The following PHF20 variants were observed in gnomAD, a reference collection of about 807,000 sequenced individuals.
PHF20 encodes glioma-expressed antigen 2.
In PHF20, 23 loss-of-function variants were observed where a neutral mutation model predicts 113.5. The observed-to-expected ratio is 0.20, with a 90% CI of 0.15 to 0.29. The LOEUF (loss-of-function observed/expected upper bound fraction) is 0.29, where lower values mean the gene tolerates loss of function less well. PHF20 is among the 10% of genes least tolerant of loss of function. The pLI is 1.00. For synonymous variants in PHF20, 434 were observed against 457.3 expected, an observed-to-expected ratio of 0.95 and a Z score of 0.65; for missense variants, 943 against 1,219.6, an observed-to-expected ratio of 0.77 and a Z score of 3.38.
intron 9 of PHF20, among the ~76,000 whole-genome samples, chr20:35,883,614 G>A (rs1485906229): frequency 1.3e-5 from 2 of 152,104 alleles, no homozygotes; most frequent in African/African-American, 4.8e-5. Context: ...GCTAATTTTT[G>A]TATTTTTTGT....
intron 9 of PHF20, among the ~76,000 whole-genome samples, chr20:35,874,302 A>G (rs2054478874): frequency 6.6e-6 from 1 of 152,194 alleles, no homozygotes; most frequent in African/African-American, 2.4e-5. Flanking sequence ...ATGTAGTATT[A>G]TAAGTTTTGC....
At chr20:35,916,005 C>T (rs2055397228) in intron 12 of PHF20, among the ~76,000 whole-genome samples, 1 of 152,040 alleles carries the variant, frequency 6.6e-6, no homozygotes, top group Non-Finnish European at 1.5e-5. Flanking sequence ...GTTGTTGTGG[C>T]ATGCACCTGT....
intron 4 of PHF20, among the ~76,000 whole-genome samples, 200 bp from the exon 5 acceptor site, chr20:35,858,102 T>A (rs1464760240): frequency 6.6e-6 from 1 of 152,208 alleles, no homozygotes; most frequent in African/African-American, 2.4e-5. Flanking sequence ...TTTACGTAGG[T>A]AGAAAACTAA....
At chr20:35,870,303 CAAAAAAAAAAAA>C (rs1174014648) in intron 7 of PHF20, among the ~76,000 whole-genome samples, 12,249 of 53,012 alleles carry the variant, frequency 0.23, 677 homozygotes, top group Middle Eastern at 0.39. Context: ...GACTCCGTCT[CAAAAAAAAAAAA>C]AAAAAAAAAA....
chr20:35,865,489 T>C (rs1179784420), intron 6 of PHF20, among the ~76,000 whole-genome samples: 1 of 149,828 alleles, frequency 6.7e-6, no homozygotes, highest in Non-Finnish European at 1.5e-5. Context: ...ATTAACTTTT[T>C]AAGTTGTGTT....
chr20:35,793,660 A>G (rs1287860133), intron 1 of PHF20, among the ~76,000 whole-genome samples: 2 of 151,756 alleles, frequency 1.3e-5, no homozygotes, highest in Non-Finnish European at 2.9e-5. Flanking sequence ...GGTTCACATT[A>G]TTTTGTTGTT....
intron 9 of PHF20, among the ~76,000 whole-genome samples, chr20:35,893,676 G>A (rs1265804609): frequency 6.6e-6 from 1 of 151,952 alleles, no homozygotes; most frequent in Non-Finnish European, 1.5e-5. Flanking sequence ...GTGCAATGGT[G>A]TGATCGCAGC....
intron 1 of PHF20, among the ~76,000 whole-genome samples, chr20:35,794,878 C>T (rs1398530719): frequency 2.0e-5 from 3 of 152,084 alleles, no homozygotes; most frequent in Admixed American, 6.6e-5. Flanking sequence ...TTTGTCAGTA[C>T]ATTAACTGTA....
intron 1 of PHF20, chr20:35,774,825 C>A (rs1312637616): frequency 6.6e-6 from 1 of 152,210 alleles, no homozygotes; most frequent in Admixed American, 6.6e-5. Context: ...TGGAGAAGTG[C>A]TCTGAACTCA....
intron 3 of PHF20, among the ~76,000 whole-genome samples, chr20:35,843,134 A>G (rs1405213498): frequency 6.6e-6 from 1 of 151,582 alleles, no homozygotes; most frequent in Non-Finnish European, 1.5e-5. Flanking sequence ...ACTCCTGACC[A>G]ATTTTACGGC....
intron 9 of PHF20, chr20:35,878,797 AGTTAC>A (rs2054576090): frequency 1.5e-6 from 1 of 665,004 alleles, no homozygotes; most frequent in Non-Finnish European, 2.7e-6. Flanking sequence ...TCATTATTGA[AGTTAC>A]GTATTATTGT....
chr20:35,892,303 G>A (rs888266937), intron 9 of PHF20, among the ~76,000 whole-genome samples: 7 of 140,252 alleles, frequency 5.0e-5, no homozygotes, highest in South Asian at 2.3e-4. Flanking sequence ...TTGAACTCCC[G>A]ACCTCAAATG....
At position 35,949,613 on chromosome 20, in the gene PHF20, C is replaced by T. The variant is rs2056142909; in HGVS notation, c.*1986C>T. 6.6e-6 allele frequency: 1 copy of T among 152,596 alleles called. No homozygotes were observed. The highest frequency in any genetic ancestry group is 2.4e-5 in the African/African-American group (1 of 41,440). 9.5% of individuals were successfully genotyped at this position (152,596 alleles called of 1,614,324 possible). The stretch of plus-strand genomic sequence containing the variant: ...TTCTTAGGGAAGCAGAGAAGACTCC[C>T]CAAGTTCTTATAACCTCATTGTGCT... On this transcript the variant is annotated 3_prime_UTR_variant, in exon 18 of 18. Transcript: ENST00000374012.
At chr20:35,857,747 G>A (rs939059430) in intron 4 of PHF20, among the ~76,000 whole-genome samples, 7 of 151,442 alleles carry the variant, frequency 4.6e-5, no homozygotes, top group African/African-American at 7.3e-5. Context: ...CACCAAGCGC[G>A]GCTAATTTTT....
chr20:35,832,249 C>T (rs561056241), intron 2 of PHF20, among the ~76,000 whole-genome samples: 40 of 152,180 alleles, frequency 2.6e-4, no homozygotes, highest in Non-Finnish European at 4.7e-4. Flanking sequence ...TCCTCTCACT[C>T]GATCCCCTTC....
intron 4 of PHF20, chr20:35,853,242 A>T (rs1251788191): frequency 6.6e-6 from 1 of 150,592 alleles, no homozygotes; most frequent in African/African-American, 2.4e-5. Flanking sequence ...AAAAAGAAAG[A>T]AAAAAAAAGA....
chr20:35,803,564 A>G (rs1166765533), intron 2 of PHF20, among the ~76,000 whole-genome samples: 1 of 151,606 alleles, frequency 6.6e-6, no homozygotes, highest in Non-Finnish European at 1.5e-5. Context: ...ACCTCAGATG[A>G]TCTGCCTGCC....
At chr20:35,916,240 C>T (rs1260119465) in intron 12 of PHF20, among the ~76,000 whole-genome samples, 2 of 152,240 alleles carry the variant, frequency 1.3e-5, no homozygotes, top group African/African-American at 2.4e-5. Context: ...TGTCAGTAGA[C>T]TTTCAGGGTT....
At chr20:35,835,262 G>A (rs1024853655) in intron 2 of PHF20, among the ~76,000 whole-genome samples, 3 of 151,828 alleles carry the variant, frequency 2.0e-5, no homozygotes, top group Admixed American at 6.6e-5. Context: ...GCGACAGAGC[G>A]AGATGCCATC....
Sources: allele counts gnomAD v4.1 joint callset (sites outside exome capture counted in the v4.1 genomes callset), GRCh38; gene constraint gnomAD v4.1.1; transcripts MANE v1.5; gene names NCBI Gene and HGNC (gene_info 2026-07-23, HGNC 2026-07-21).